Variants in NTN4 observed in about 807,000 individuals in gnomAD.
The protein encoded by NTN4 is netrin 4.
Under a neutral mutation model 73.6 loss-of-function variants are expected in NTN4, and 32 were observed. The ratio of observed to expected loss-of-function variants is 0.44; its 90% CI spans 0.33 to 0.58. The LOEUF is 0.58. Ranked by LOEUF, NTN4 falls within the 20% of genes least tolerant of loss-of-function variation. NTN4 has a pLI of 0.04. For synonymous variants in NTN4, 258 were observed against 287.5 expected, an observed-to-expected ratio of 0.90 and a Z score of 1.04; for missense variants, 654 against 798.3, an observed-to-expected ratio of 0.82 and a Z score of 2.18.
chr12:95,668,491 A>T (rs1230340279), intron 8 of NTN4, among the ~76,000 whole-genome samples: 1 of 152,172 alleles, frequency 6.6e-6, no homozygotes, highest in Non-Finnish European at 1.5e-5. Context: ...TCTATTGTTT[A>T]GCCAAGTTAG....
intron 7 of NTN4, chr12:95,672,962 T>G (rs1241325152): frequency 2.6e-6 from 3 of 1,134,418 alleles, no homozygotes; most frequent in East Asian, 2.4e-5. Flanking sequence ...GTCTGTAAAT[T>G]GGACAAGAGC....
Position 95,741,430 on chromosome 12 carries a change from TA to T in NTN4, c.586-3287del, listed in dbSNP as rs1565903653. ...TATAATGTAAATTATGTATAAATTATATATATATATATATATATATATATAT... is the reference window on the plus strand; with the variant it reads ...TATAATGTAAATTATGTATAAATTATTATATATATATATATATATATATAT... On this transcript the variant is annotated intron_variant, in intron 2 of 9. Transcript: ENST00000343702. 3.6e-4 allele frequency among the ~76,000 whole-genome samples: 4 copies of T among 11,260 alleles called. No individual in the cohort carries two copies. The East Asian group carries it at 4.6e-3, about 13-fold the overall frequency. 7.4% of individuals were successfully genotyped at this position (11,260 alleles called of 152,430 possible).
At chr12:95,773,100 T>C (rs1003641512) in intron 2 of NTN4, among the ~76,000 whole-genome samples, 1 of 151,414 alleles carries the variant, frequency 6.6e-6, no homozygotes, top group African/African-American at 2.4e-5. Context: ...CCCTCCGGGG[T>C]TCACGTTATT....
Position 95,744,511 on chromosome 12 carries a change from A to G in NTN4, c.586-6367T>C, listed in dbSNP as rs2078847929. Among the ~76,000 whole-genome samples, 3 of 152,140 alleles carry G rather than the reference A, an allele frequency of 2.0e-5. No homozygotes were observed. In the South Asian group the frequency reaches 6.2e-4, roughly 31 times the overall value. ...CCTTTTACATTTAATGTGATTGATG[A>G]TATTTACCACTTCACATATAGTATA... On this transcript the variant is annotated intron_variant, in intron 2 of 9. Transcript: ENST00000343702.
Position 95,683,839 on chromosome 12 carries a change from A to G in NTN4, c.1181-128T>C, listed in dbSNP as rs1368021194. The G allele has an allele frequency of 4.6e-6, 3 of 655,804 alleles. No individual in the cohort carries two copies. In the African/African-American group the frequency reaches 5.4e-5, roughly 12 times the overall value. The allele number at this position is 655,804 out of a possible 1,614,324, so 40.6% of individuals were successfully genotyped here. On this transcript the variant is annotated intron_variant, in intron 5 of 9. Transcript: ENST00000343702. The stretch of plus-strand genomic sequence containing the variant: ...TATTTCTGAGACTCCTTCTTTAGCC[A>G]GTGAGTGTATGCTCAGAGAATGAAA...
chr12:95,743,287 TTTTC>T (rs1279049259), intron 2 of NTN4, among the ~76,000 whole-genome samples: 1 of 152,190 alleles, frequency 6.6e-6, no homozygotes, highest in African/African-American at 2.4e-5. Context: ...GTTTTTCTGT[TTTTC>T]TTTTTCATTG....
intron 2 of NTN4, among the ~76,000 whole-genome samples, chr12:95,751,634 G>C (rs2078908167): frequency 6.6e-6 from 1 of 152,000 alleles, no homozygotes; most frequent in African/African-American, 2.4e-5. Flanking sequence ...AGATCTTCTC[G>C]GCTTAGCGGC....
intron 2 of NTN4, among the ~76,000 whole-genome samples, chr12:95,741,040 G>A (rs12321507): frequency 0.044 from 6,715 of 152,222 alleles, 310 homozygotes; most frequent in African/African-American, 0.12. Context: ...GAATTACAGT[G>A]TGTGGCTATG....
In NTN4 at chr12:95,657,992, C is replaced by G. The variant is rs998724895; in HGVS notation, c.*1094G>C. The G allele has an allele frequency of 6.6e-6, 1 of 152,440 alleles. No homozygotes were observed. Among genetic ancestry groups the G allele is most frequent in the African/African-American group, 2.4e-5 (1 of 41,368 alleles). The allele number at this position is 152,440 out of a possible 1,614,324, so 9.4% of individuals were successfully genotyped here. A position where few individuals can be genotyped will look rare whatever the true frequency, so the allele number is the denominator to read the frequency against. On this transcript the variant is annotated 3_prime_UTR_variant, in exon 10 of 10. Transcript: ENST00000343702. ...AAAGAAACTATGTATAGTGGTTATG[C>G]GTGGGTACAGAAGATGAATAATAAT...
At chr12:95,736,369 C>G (rs144551969) in intron 3 of NTN4, among the ~76,000 whole-genome samples, 1 of 152,128 alleles carries the variant, frequency 6.6e-6, no homozygotes, top group South Asian at 2.1e-4. Flanking sequence ...TTATGGGGGC[C>G]TCTGTCATTT....
At chr12:95,684,535 T>C (rs1453128324) in intron 5 of NTN4, among the ~76,000 whole-genome samples, 1 of 151,904 alleles carries the variant, frequency 6.6e-6, no homozygotes, top group East Asian at 1.9e-4. Context: ...CTCAAACTCC[T>C]GGCCTCAAGC....
intron 2 of NTN4, among the ~76,000 whole-genome samples, chr12:95,763,749 T>G (rs2079003570): frequency 2.0e-5 from 3 of 152,258 alleles, no homozygotes; most frequent in Admixed American, 2.0e-4. Flanking sequence ...CCAAATAAAT[T>G]TCAAAGATTT....
chr12:95,710,345 C>T (rs887844688), intron 5 of NTN4, 96 bp downstream of exon 5: 143 of 991,690 alleles, frequency 1.4e-4, no homozygotes, highest in Non-Finnish European at 2.0e-4. Context: ...CTCAGAACCT[C>T]AATGACCTCC....
At chr12:95,688,241 T>C (rs1183647964) in intron 5 of NTN4, among the ~76,000 whole-genome samples, 4 of 152,008 alleles carry the variant, frequency 2.6e-5, no homozygotes, top group African/African-American at 7.3e-5. Flanking sequence ...GGTGTGGGAA[T>C]GGGAGGTAAG....
intron 2 of NTN4, among the ~76,000 whole-genome samples, chr12:95,763,019 A>T (rs1450397541): frequency 1.3e-5 from 2 of 152,042 alleles, no homozygotes; most frequent in Non-Finnish European, 2.9e-5. Flanking sequence ...ACAAAGCCAT[A>T]ATTAAATAAG....
intron 7 of NTN4, 119 bp from the exon 8 acceptor site, chr12:95,670,265 G>T: frequency 2.1e-6 from 1 of 482,346 alleles, no homozygotes; most frequent in Non-Finnish European, 3.7e-6. Flanking sequence ...TGCATACAGT[G>T]TAATCTGTAA....
intron 7 of NTN4, among the ~76,000 whole-genome samples, chr12:95,675,230 C>T (rs1348402273): frequency 1.3e-5 from 2 of 152,108 alleles, no homozygotes; most frequent in Non-Finnish European, 2.9e-5. Flanking sequence ...GAACATGAAG[C>T]CATTAGGAAA....
intron 5 of NTN4, among the ~76,000 whole-genome samples, chr12:95,697,076 G>C (rs972980417): frequency 1.4e-4 from 22 of 151,944 alleles, no homozygotes; most frequent in African/African-American, 5.3e-4. Context: ...TCGAGAGGCT[G>C]AGATGGGAGG....
chr12:95,669,206 TAAA>T (rs369624673), intron 8 of NTN4, among the ~76,000 whole-genome samples: 2 of 126,014 alleles, frequency 1.6e-5, no homozygotes, highest in Non-Finnish European at 3.4e-5. Context: ...AGACTCTGTC[TAAA>T]AAAAAAAAAA....
Sources: allele counts gnomAD v4.1 joint callset (sites outside exome capture counted in the v4.1 genomes callset), GRCh38; gene constraint gnomAD v4.1.1; transcripts MANE v1.5; gene names NCBI Gene and HGNC (gene_info 2026-07-23, HGNC 2026-07-21).